MOSMO: variants seen among roughly 807,000 people sequenced by gnomAD.
MOSMO encodes modulator of smoothened, also known as modulator of smoothened protein.
MOSMO carries 5 observed loss-of-function variants against 18.4 expected under a neutral mutation model. That is an observed-to-expected ratio of 0.27 (90% confidence interval 0.14 to 0.57). MOSMO has a LOEUF of 0.57. MOSMO is among the 20% of genes least tolerant of loss of function. The probability of loss-of-function intolerance (pLI) is 0.92; values close to 1 mark genes in which losing one functional copy is unlikely to be tolerated. For missense variants in MOSMO, 138 were observed against 211.8 expected, an observed-to-expected ratio of 0.65 and a Z score of 2.16; for synonymous variants, 82 against 82.3, an observed-to-expected ratio of 1.00 and a Z score of 0.02.
At chr16:22,038,518 G>A (rs931788142) in intron 1 of MOSMO, among the ~76,000 whole-genome samples, 1 of 152,158 alleles carries the variant, frequency 6.6e-6, no homozygotes, top group Non-Finnish European at 1.5e-5. Context: ...TGTGACATGA[G>A]GAAAGGAAGT....
chr16:22,058,587 T>C (rs958546558), intron 1 of MOSMO, among the ~76,000 whole-genome samples: 4 of 152,126 alleles, frequency 2.6e-5, no homozygotes, highest in African/African-American at 9.7e-5. Context: ...GGAGGTAAAT[T>C]CCACTTGACT....
chr16:22,047,161 CAT>C (rs759701989), intron 1 of MOSMO, among the ~76,000 whole-genome samples: 9 of 150,678 alleles, frequency 6.0e-5, no homozygotes, highest in East Asian at 5.8e-4. Flanking sequence ...GCTTTTTTCT[CAT>C]GTGTTAGAGA....
At chr16:22,078,743 G>T (rs899904226) in intron 2 of MOSMO, among the ~76,000 whole-genome samples, 4 of 152,140 alleles carry the variant, frequency 2.6e-5, no homozygotes, top group Non-Finnish European at 5.9e-5. Flanking sequence ...TACCTAAATT[G>T]TGGTTTCATT....
At chr16:22,041,675 C>T (rs932658510) in intron 1 of MOSMO, among the ~76,000 whole-genome samples, 2 of 151,824 alleles carry the variant, frequency 1.3e-5, no homozygotes, top group Non-Finnish European at 2.9e-5. Context: ...TTAATTTTAA[C>T]TTTAATTTTT....
chr16:22,064,290 G>A (rs1900707494), intron 1 of MOSMO: 1 of 456,042 alleles, frequency 2.2e-6, no homozygotes, highest in Admixed American at 2.4e-5. Flanking sequence ...GTACTTTTCT[G>A]GCCACAAGAA....
At chr16:22,022,225 G>C (rs902334784) in intron 1 of MOSMO, among the ~76,000 whole-genome samples, 1 of 149,016 alleles carries the variant, frequency 6.7e-6, no homozygotes, top group Non-Finnish European at 1.5e-5. Flanking sequence ...TCGCTATGTT[G>C]CCCAGGCTGG....
At chr16:22,026,674 C>G (rs1458252366) in intron 1 of MOSMO, among the ~76,000 whole-genome samples, 1 of 152,130 alleles carries the variant, frequency 6.6e-6, no homozygotes, top group Non-Finnish European at 1.5e-5. Context: ...ACTTTACAAA[C>G]TGGTTTTGGA....
At chr16:22,051,616 C>G (rs1052583646) in intron 1 of MOSMO, among the ~76,000 whole-genome samples, 1 of 152,140 alleles carries the variant, frequency 6.6e-6, no homozygotes, top group Admixed American at 6.5e-5. Context: ...CATCTATATC[C>G]TTTGTAGTAT....
chr16:22,012,741 A>G (rs1200028895), intron 1 of MOSMO, among the ~76,000 whole-genome samples: 6 of 112,530 alleles, frequency 5.3e-5, no homozygotes, highest in African/African-American at 1.5e-4. Context: ...AAGGAATAGA[A>G]AAAAAAAAAA....
rs749470430 is a variant in MOSMO at position 22,075,977 on chromosome 16, CAG to C, written c.319+281_319+282del. ...ACATAAGTGTTCCAGGTTTGTGACT[CAG>C]AGTTACCAGTAGCCTGAGTCTTTTC... is the stretch of plus-strand genomic sequence containing the variant. On this transcript the variant is annotated intron_variant, in intron 2 of 2. Coordinates refer to ENST00000542527, the MANE Select transcript of MOSMO (RefSeq NM_001164579.2). 1.9e-4 allele frequency: 62 copies of C among 334,632 alleles called. 1 individual carries two copies. The highest frequency in any genetic ancestry group is 9.5e-4 in the Middle Eastern group (1 of 1,056). 20.7% of individuals were successfully genotyped at this position (334,632 alleles called of 1,614,324 possible). A position where few individuals can be genotyped will look rare whatever the true frequency, so the allele number is the denominator to read the frequency against.
At chr16:22,063,021 T>G (rs1900680554) in intron 1 of MOSMO, among the ~76,000 whole-genome samples, 1 of 152,128 alleles carries the variant, frequency 6.6e-6, no homozygotes, top group Non-Finnish European at 1.5e-5. Flanking sequence ...CCCAGCTAAT[T>G]TTTTTTATTT....
In MOSMO at chr16:22,054,963, G is replaced by T. The variant is rs190261019; in HGVS notation, c.107-20524G>T. Among the ~76,000 whole-genome samples the T allele has an allele frequency of 3.5e-3, 507 of 145,140 alleles. 1 individual carries two copies. The highest frequency in any genetic ancestry group is 6.5e-3 in the African/African-American group (258 of 39,938). ...TCCATTCTAGTTTGTAAAGATAGGG[G>T]TTTTTTTTTTTTCTTTACATTTATT... is the stretch of plus-strand genomic sequence containing the variant. On this transcript the variant is annotated intron_variant, in intron 1 of 2. Coordinates refer to ENST00000542527, the MANE Select transcript of MOSMO (RefSeq NM_001164579.2).
downstream of MOSMO, among the ~76,000 whole-genome samples, chr16:22,090,918 G>A (rs1901299775): frequency 6.6e-6 from 1 of 152,086 alleles, no homozygotes; most frequent in East Asian, 1.9e-4. Context: ...AAGAAAGCAG[G>A]AACAAAGAGT....
rs1704894785 is a variant in MOSMO at position 22,082,628 on chromosome 16, A to G, written c.*1748A>G. The stretch of plus-strand genomic sequence containing the variant: ...AGGCTAGATTATCAGTTCTAGAATG[A>G]TTACTTCAAAGATGGGAGCTACCTC... On this transcript the variant is annotated 3_prime_UTR_variant, in exon 3 of 3. Coordinates refer to ENST00000542527, the MANE Select transcript of MOSMO (RefSeq NM_001164579.2). The G allele has an allele frequency of 6.6e-6, 1 of 152,192 alleles. No individual in the cohort carries two copies. Among genetic ancestry groups the G allele is most frequent in the Non-Finnish European group, 1.5e-5 (1 of 68,034 alleles). 9.4% of individuals were successfully genotyped at this position (152,192 alleles called of 1,614,324 possible). A position where few individuals can be genotyped will look rare whatever the true frequency, so the allele number is the denominator to read the frequency against.
chr16:22,008,268 G>C lies in MOSMO; in HGVS notation c.-34G>C, dbSNP rs1404954352. ...GGAGGCGTGAGGCCGCTGCCTGTCC[G>C]GGGCTCGGGGGGTGGGGGGAGCGGG... On this transcript the variant is annotated 5_prime_UTR_variant, in exon 1 of 3. Coordinates refer to ENST00000542527, the MANE Select transcript of MOSMO (RefSeq NM_001164579.2). The C allele has an allele frequency of 4.9e-6, 7 of 1,427,012 alleles. No individual in the cohort carries two copies. The highest frequency in any genetic ancestry group is 6.6e-6 in the Non-Finnish European group (7 of 1,066,990). 88.4% of individuals were successfully genotyped at this position (1,427,012 alleles called of 1,614,324 possible). A position where few individuals can be genotyped will look rare whatever the true frequency, so the allele number is the denominator to read the frequency against.
At chr16:22,037,067 G>C (rs1304596886) in intron 1 of MOSMO, among the ~76,000 whole-genome samples, 1 of 152,160 alleles carries the variant, frequency 6.6e-6, no homozygotes, top group African/African-American at 2.4e-5. Context: ...AAAGAACCCT[G>C]AAGGTCACCA....
chr16:22,016,251 C>T (rs768759018), intron 1 of MOSMO, among the ~76,000 whole-genome samples: 17 of 152,264 alleles, frequency 1.1e-4, no homozygotes, highest in Admixed American at 1.1e-3. Flanking sequence ...GGAGACAATA[C>T]ATTTACCTCA....
intron 2 of MOSMO, among the ~76,000 whole-genome samples, chr16:22,078,060 A>T (rs771929497): frequency 6.6e-6 from 1 of 152,136 alleles, no homozygotes; most frequent in East Asian, 1.9e-4. Context: ...CCCCCACATG[A>T]TGGGGGTTCC....
At chr16:22,051,193 G>A (rs888525621) in intron 1 of MOSMO, among the ~76,000 whole-genome samples, 2 of 152,014 alleles carry the variant, frequency 1.3e-5, no homozygotes, top group Admixed American at 6.6e-5. Flanking sequence ...TTCAAGACCA[G>A]CCTGGCAACA....
Sources: gnomAD v4.1 joint callset for allele counts (sites outside exome capture counted in the v4.1 genomes callset) on GRCh38, gnomAD v4.1.1 for gene constraint, MANE v1.5 for transcripts, NCBI Gene and HGNC (gene_info 2026-07-23, HGNC 2026-07-21) for gene names.